NELL1: variants seen among roughly 807,000 people sequenced by gnomAD.
NELL1 encodes neural EGFL like 1.
In NELL1, 76 loss-of-function variants were observed where a neutral mutation model predicts 107.4. The ratio of observed to expected loss-of-function variants is 0.71; its 90% CI spans 0.59 to 0.86. The LOEUF (loss-of-function observed/expected upper bound fraction) is 0.86, where lower values mean the gene tolerates loss of function less well. Among genes scored for constraint, NELL1 ranks in the 40% least tolerant of loss-of-function variants. The pLI is 0.00. For missense variants in NELL1, 1,024 were observed against 1,005.5 expected, an observed-to-expected ratio of 1.02 and a Z score of -0.25; for synonymous variants, 353 against 341.2, an observed-to-expected ratio of 1.03 and a Z score of -0.38.
At chr11:20,788,155 T>C (rs1052401347) in intron 3 of NELL1, among the ~76,000 whole-genome samples, 1 of 152,224 alleles carries the variant, frequency 6.6e-6, no homozygotes, top group Admixed American at 6.5e-5. Flanking sequence ...TTATGAATAA[T>C]GCTGCTATGA....
chr11:20,856,572 C>A (rs1429791), intron 4 of NELL1, among the ~76,000 whole-genome samples: 3 of 152,200 alleles, frequency 2.0e-5, no homozygotes, highest in Admixed American at 2.0e-4. Context: ...GTAAACAGCC[C>A]TAGGCTGTGA....
intron 3 of NELL1, among the ~76,000 whole-genome samples, chr11:20,802,505 TC>T (rs1857300464): frequency 6.6e-6 from 1 of 152,158 alleles, no homozygotes; most frequent in South Asian, 2.1e-4. Flanking sequence ...GATTATATCA[TC>T]TGTAAACAAG....
At chr11:20,908,784 T>G (rs118137473) in intron 5 of NELL1, among the ~76,000 whole-genome samples, 3,298 of 152,242 alleles carry the variant, frequency 0.022, 53 homozygotes, top group Non-Finnish European at 0.034. Context: ...CCTCAAAAAT[T>G]TAAACACAGA....
rs547320641 is a variant in NELL1 at position 20,712,323 on chromosome 11, T to C, written c.184+34263T>C. ...AAATTATAATTTTTTTTATGGTATC[T>C]ATTTCTCTGGATAATTTTTCATCCA... On this transcript the variant is annotated intron_variant, in intron 2 of 19. Transcript: ENST00000357134. Among the ~76,000 whole-genome samples the C allele has an allele frequency of 8.5e-5, 13 of 152,292 alleles. 1 individual carries two copies. The South Asian group carries it at 2.7e-3, about 32-fold the overall frequency.
intron 5 of NELL1, among the ~76,000 whole-genome samples, chr11:20,899,482 C>T (rs2134129536): frequency 6.6e-6 from 1 of 152,204 alleles, no homozygotes; most frequent in South Asian, 2.1e-4. Flanking sequence ...TAAAGCAATT[C>T]TTAGCAGTAT....
chr11:21,500,077 A>G (rs1855096145), intron 15 of NELL1, among the ~76,000 whole-genome samples: 1 of 152,140 alleles, frequency 6.6e-6, no homozygotes, highest in African/African-American at 2.4e-5. Flanking sequence ...CAAATTTTCT[A>G]TAATGAGAAT....
At chr11:21,550,676 C>T (rs1257954683) in intron 16 of NELL1, among the ~76,000 whole-genome samples, 1 of 152,014 alleles carries the variant, frequency 6.6e-6, no homozygotes, top group East Asian at 1.9e-4. Context: ...TTTCTGAGGG[C>T]TCTGTTCTGT....
intron 15 of NELL1, among the ~76,000 whole-genome samples, chr11:21,422,564 C>G (rs984913501): frequency 7.9e-5 from 12 of 152,070 alleles, no homozygotes; most frequent in African/African-American, 2.9e-4. Context: ...GAGGAGGAAG[C>G]TGTAAATAAA....
intron 3 of NELL1, among the ~76,000 whole-genome samples, chr11:20,821,088 A>G (rs1857740566): frequency 6.6e-6 from 1 of 152,186 alleles, no homozygotes; most frequent in Non-Finnish European, 1.5e-5. Flanking sequence ...CTTCCAGGGA[A>G]AGTCAAGGGA....
At chr11:20,954,658 G>A (rs992198266) in intron 11 of NELL1, among the ~76,000 whole-genome samples, 3 of 152,144 alleles carry the variant, frequency 2.0e-5, no homozygotes, top group African/African-American at 7.2e-5. Flanking sequence ...TGTGCAGAAA[G>A]GTAAGTGGGC....
chr11:20,984,212 C>T (rs1209554047), intron 12 of NELL1, among the ~76,000 whole-genome samples: 1 of 152,130 alleles, frequency 6.6e-6, no homozygotes, highest in Non-Finnish European at 1.5e-5. Context: ...TGGACATTTT[C>T]CCCATGAACA....
chr11:20,782,709 T>C (rs1345507308), intron 2 of NELL1, among the ~76,000 whole-genome samples: 2 of 152,172 alleles, frequency 1.3e-5, no homozygotes, highest in Admixed American at 1.3e-4. Context: ...TCAGAGGAGA[T>C]GGTCAGGATG....
At position 21,172,448 on chromosome 11, in the gene NELL1, T is replaced by C. The variant is rs150468175; in HGVS notation, c.1427-56884T>C. 3.5e-3 allele frequency among the ~76,000 whole-genome samples: 539 copies of C among 151,982 alleles called. 25 individuals carry two copies. Among genetic ancestry groups the C allele is most frequent in the African/African-American group, 0.012 (481 of 41,244 alleles). On this transcript the variant is annotated intron_variant, in intron 13 of 19. Coordinates refer to ENST00000357134, the MANE Select transcript of NELL1 (RefSeq NM_006157.5). The stretch of plus-strand genomic sequence containing the variant: ...CAGGGCTGAATTTCCGTTGATAGCA[T>C]GCTCCTTCTCCGTGATCATGCAGTT...
intron 18 of NELL1, among the ~76,000 whole-genome samples, chr11:21,571,178 C>A (rs1215146666): frequency 6.6e-6 from 1 of 151,812 alleles, no homozygotes; most frequent in Non-Finnish European, 1.5e-5. Flanking sequence ...CAGTTTACAG[C>A]TATTACTAAA....
intron 3 of NELL1, 81 bp from the exon 4 acceptor site, chr11:20,847,502 G>T: frequency 2.1e-6 from 3 of 1,396,964 alleles, no homozygotes; most frequent in Non-Finnish European, 2.9e-6. Flanking sequence ...TGAGAGACCT[G>T]GTAGTAAGGG....
At chr11:21,455,544 G>A (rs914906062) in intron 15 of NELL1, among the ~76,000 whole-genome samples, 2 of 151,822 alleles carry the variant, frequency 1.3e-5, no homozygotes, top group Admixed American at 1.3e-4. Flanking sequence ...ATGTTTCTCA[G>A]GCTGGTCTTG....
intron 17 of NELL1, among the ~76,000 whole-genome samples, chr11:21,560,661 C>G (rs917114065): frequency 6.6e-6 from 1 of 152,090 alleles, no homozygotes; most frequent in Non-Finnish European, 1.5e-5. Flanking sequence ...CCACTGAAAG[C>G]CTACAGTGCT....
At chr11:21,480,886 A>G (rs1433574664) in intron 15 of NELL1, among the ~76,000 whole-genome samples, 1 of 152,156 alleles carries the variant, frequency 6.6e-6, no homozygotes, top group Non-Finnish European at 1.5e-5. Context: ...ATACCCCTGA[A>G]CTAGTTTTTA....
chr11:20,701,933 A>C (rs540488405), intron 2 of NELL1, among the ~76,000 whole-genome samples: 32 of 152,130 alleles, frequency 2.1e-4, no homozygotes, highest in East Asian at 9.7e-4. Flanking sequence ...AGTTTGAAGT[A>C]AGGTAGCATG....
Sources: gnomAD v4.1 joint callset for allele counts (sites outside exome capture counted in the v4.1 genomes callset) on GRCh38, gnomAD v4.1.1 for gene constraint, MANE v1.5 for transcripts, NCBI Gene and HGNC (gene_info 2026-07-23, HGNC 2026-07-21) for gene names.